ZGPAT: variants seen among roughly 807,000 people sequenced by gnomAD.
ZGPAT encodes zinc finger CCCH-type with G patch domain-containing protein.
In ZGPAT, 39 loss-of-function variants were observed where a neutral mutation model predicts 47.9. The ratio of observed to expected loss-of-function variants is 0.81; its 90% CI spans 0.63 to 1.06. The LOEUF is 1.06. Among genes scored for constraint, ZGPAT ranks in the 50% least tolerant of loss-of-function variants. The probability of loss-of-function intolerance (pLI) is 0.00; values close to 1 mark genes in which losing one functional copy is unlikely to be tolerated. For missense variants in ZGPAT, 717 were observed against 681.4 expected, an observed-to-expected ratio of 1.05 and a Z score of -0.58; for synonymous variants, 348 against 292.9, an observed-to-expected ratio of 1.19 and a Z score of -1.92.
At chr20:63,710,319 A>G (rs77440914) in intron 2 of ZGPAT, among the ~76,000 whole-genome samples, 25 of 150,984 alleles carry the variant, frequency 1.7e-4, no homozygotes, top group Admixed American at 6.6e-4. Context: ...CACTGGGCTA[A>G]TTTTTTGTAT....
At chr20:63,729,729 TGGTTAA>T (rs1474992505) in intron 2 of ZGPAT, among the ~76,000 whole-genome samples, 1 of 152,188 alleles carries the variant, frequency 6.6e-6, no homozygotes, top group Admixed American at 6.5e-5. Flanking sequence ...TTTTCATATT[TGGTTAA>T]TATCTTTGTG....
At position 63,724,364 on chromosome 20, in the gene ZGPAT, A is replaced by AG. The variant is rs1491570826; in HGVS notation, c.585-8855_585-8854insG. Among the ~76,000 whole-genome samples, 3 of 11,562 alleles carry AG rather than the reference A, an allele frequency of 2.6e-4. No individual in the cohort carries two copies. In the African/African-American group the frequency reaches 5.0e-3, roughly 19 times the overall value. 7.6% of individuals were successfully genotyped at this position (11,562 alleles called of 152,430 possible). On this transcript the variant is annotated intron_variant, in intron 2 of 6. Transcript: ENST00000355969. ...TAGATGACAGAGCGAGACTCTGCCTAAAAAAAAAAAAAAAAAGAAAAGAAA... is the reference window on the plus strand; with the variant it reads ...TAGATGACAGAGCGAGACTCTGCCTAGAAAAAAAAAAAAAAAAGAAAAGAAA...
chr20:63,725,427 A>G (rs2091835041), intron 2 of ZGPAT, among the ~76,000 whole-genome samples: 1 of 152,238 alleles, frequency 6.6e-6, no homozygotes, highest in South Asian at 2.1e-4. Flanking sequence ...TAAAAGTGTC[A>G]TCATGCTACC....
At chr20:63,723,407 C>T (rs957462764) in intron 2 of ZGPAT, among the ~76,000 whole-genome samples, 1 of 144,832 alleles carries the variant, frequency 6.9e-6, no homozygotes, top group Non-Finnish European at 1.5e-5. Flanking sequence ...CTCCATCCTC[C>T]CTTCTCCTAT....
chr20:63,720,636 T>G (rs919193760), intron 2 of ZGPAT, among the ~76,000 whole-genome samples: 2 of 151,932 alleles, frequency 1.3e-5, no homozygotes, highest in Non-Finnish European at 2.9e-5. Context: ...GTTACTGTTT[T>G]AGACACAGGG....
At position 63,708,894 on chromosome 20, in the gene ZGPAT, C is replaced by G. The variant is rs6089764; in HGVS notation, c.314C>G (p.Pro105Arg). Residue 105 changes from proline (P) to arginine (R), a missense_variant, in exon 2 of 7, where the codon CCT becomes CGT. Coordinates refer to ENST00000355969, the MANE Select transcript of ZGPAT (RefSeq NM_181485.3). ...CGTGGGTCCGGATCAGAGACCGTTC[C>G]TAAAGCAGAGGCGGGGCCAGAATCT... ...AARGSGSETVPKAEAGPESAA... is the reference protein window; with the variant it reads ...AARGSGSETVRKAEAGPESAA... 3.1e-6 allele frequency: 5 copies of G among 1,612,346 alleles called. No individual in the cohort carries two copies. In the African/African-American group the frequency reaches 6.7e-5, roughly 22 times the overall value.
intron 2 of ZGPAT, chr20:63,730,108 T>C (rs1334569112): frequency 1.3e-5 from 2 of 152,120 alleles, no homozygotes; most frequent in African/African-American, 4.8e-5. Context: ...TTTAATATTG[T>C]CAAATATTCT....
chr20:63,735,987 T>TG lies in ZGPAT; in HGVS notation c.*69dup. On this transcript the variant is annotated 3_prime_UTR_variant, in exon 7 of 7. Coordinates refer to ENST00000355969, the MANE Select transcript of ZGPAT (RefSeq NM_181485.3). ...GGGCTGCCCTCAGGAAGACCAGTGT[T>TG]GCCCGAGGAGGGGCCGGCCTGCTGG... 6.4e-7 allele frequency: 1 copy of TG among 1,558,756 alleles called. No homozygotes were observed. Among genetic ancestry groups the TG allele is most frequent in the Non-Finnish European group, 8.7e-7 (1 of 1,149,442 alleles).
At chr20:63,732,834 G>T (rs1255157731) in intron 2 of ZGPAT, among the ~76,000 whole-genome samples, 1 of 151,380 alleles carries the variant, frequency 6.6e-6, no homozygotes, top group Non-Finnish European at 1.5e-5. Context: ...GTGTGTGCCT[G>T]TGTGAGTGCA....
At chr20:63,730,922 TTCTCTCTC>T (rs33915732) in intron 2 of ZGPAT, among the ~76,000 whole-genome samples, 3,231 of 124,522 alleles carry the variant, frequency 0.026, 79 homozygotes, top group Admixed American at 0.052. Context: ...TTCCTCTTCA[TTCTCTCTC>T]TCTCTCTCTC....
chr20:63,734,094 C>T, intron 4 of ZGPAT: 2 of 302,438 alleles, frequency 6.6e-6, no homozygotes, highest in South Asian at 8.3e-5. Context: ...AGACTTGGGA[C>T]CTGGGTGCCT....
At chr20:63,729,026 CT>C (rs1298742990) in intron 2 of ZGPAT, among the ~76,000 whole-genome samples, 1 of 148,106 alleles carries the variant, frequency 6.8e-6, no homozygotes, top group Non-Finnish European at 1.5e-5. Context: ...ATTATTTTTT[CT>C]TTTTTTCTTT....
intron 2 of ZGPAT, among the ~76,000 whole-genome samples, chr20:63,732,524 TGAG>T (rs1305954550): frequency 6.6e-6 from 1 of 151,904 alleles, no homozygotes; most frequent in Non-Finnish European, 1.5e-5. Context: ...CGCGTGTGGG[TGAG>T]ATGGCGTGTG....
intron 2 of ZGPAT, among the ~76,000 whole-genome samples, chr20:63,728,718 A>AT (rs1354047712): frequency 1.9e-4 from 29 of 152,258 alleles, no homozygotes; most frequent in African/African-American, 6.7e-4. Context: ...GTAAGTGTTT[A>AT]TCGAGTCACC....
rs754581566 is a variant in ZGPAT, at chr20:63,733,775, G to A, written c.871+36G>A. On this transcript the variant is annotated intron_variant, in intron 4 of 6. Coordinates refer to ENST00000355969, the MANE Select transcript of ZGPAT (RefSeq NM_181485.3). ...AGCTGCGGAGCCCAGGAGCCAGGAA[G>A]GTGGGGTCACCCTGAGAGGCTCCTG... The A allele has an allele frequency of 1.9e-6, 3 of 1,582,448 alleles. No individual in the cohort carries two copies. In the East Asian group the frequency reaches 6.7e-5, roughly 35 times the overall value.
At chr20:63,731,128 A>G (rs1427279653) in intron 2 of ZGPAT, among the ~76,000 whole-genome samples, 1 of 152,148 alleles carries the variant, frequency 6.6e-6, no homozygotes, top group Non-Finnish European at 1.5e-5. Context: ...GCCTTGATGC[A>G]CTGGTGCTGT....
chr20:63,732,973 T>C (rs1055621660), intron 2 of ZGPAT, among the ~76,000 whole-genome samples: 2 of 151,992 alleles, frequency 1.3e-5, no homozygotes, highest in African/African-American at 4.8e-5. Flanking sequence ...AGTGTATGTG[T>C]GCATGTGTAT....
At chr20:63,733,036 A>G (rs1038371335) in intron 2 of ZGPAT, among the ~76,000 whole-genome samples, 183 bp from the exon 3 acceptor site, 8 of 151,152 alleles carry the variant, frequency 5.3e-5, no homozygotes, top group Admixed American at 3.3e-4. Context: ...GAGTGTGTGC[A>G]TGTGTGTGTG....
At position 63,736,056 on chromosome 20, in the gene ZGPAT, G is replaced by T; in HGVS notation, c.*137G>T. The T allele has an allele frequency of 2.3e-6, 3 of 1,284,876 alleles. No individual in the cohort carries two copies. The highest frequency in any genetic ancestry group is 3.2e-6 in the Non-Finnish European group (3 of 944,238). 79.6% of individuals were successfully genotyped at this position (1,284,876 alleles called of 1,614,324 possible). A position where few individuals can be genotyped will look rare whatever the true frequency, so the allele number is the denominator to read the frequency against. ...TGCTGAGTGGAGACAGAGCTGCGGG[G>T]TCCCATCTGGACACTTACTTGCCCA... On this transcript the variant is annotated 3_prime_UTR_variant, in exon 7 of 7. Coordinates refer to ENST00000355969, the MANE Select transcript of ZGPAT (RefSeq NM_181485.3).
Sources: gnomAD v4.1 joint callset for allele counts (sites outside exome capture counted in the v4.1 genomes callset) on GRCh38, gnomAD v4.1.1 for gene constraint, MANE v1.5 for transcripts, NCBI Gene and HGNC (gene_info 2026-07-23, HGNC 2026-07-21) for gene names.